Variants in TAB2 observed in about 807,000 individuals in gnomAD.
TAB2 encodes TGF-beta-activated kinase 1 and MAP3K7-binding protein 2.
In TAB2, 3 loss-of-function variants were observed where a neutral mutation model predicts 65.0. The observed-to-expected ratio is 0.05, with a 90% CI of 0.02 to 0.12. The LOEUF is 0.12. TAB2 is among the 10% of genes least tolerant of loss of function. The pLI, the probability that TAB2 is intolerant of heterozygous loss-of-function variation, is 1.00. For synonymous variants in TAB2, 298 were observed against 285.1 expected (o/e 1.05, Z -0.46); for missense variants, 623 against 840.3 (o/e 0.74, Z 3.20).
intron 6 of TAB2, among the ~76,000 whole-genome samples, chr6:149,408,839 A>G (rs1782750762): frequency 6.6e-6 from 1 of 152,158 alleles, no homozygotes; most frequent in South Asian, 2.1e-4. Context: ...AGTTCCAGTG[A>G]CCTTTATTTT....
At chr6:149,403,305 T>TACAC (rs1782535441) in intron 6 of TAB2, among the ~76,000 whole-genome samples, 2 of 68,000 alleles carry the variant, frequency 2.9e-5, no homozygotes, top group African/African-American at 1.2e-4. Flanking sequence ...CATATATATA[T>TACAC]ATATATATAC....
intron 1 of TAB2, among the ~76,000 whole-genome samples, chr6:149,353,197 C>G (rs1353186944): frequency 2.6e-5 from 4 of 152,132 alleles, no homozygotes; most frequent in Non-Finnish European, 5.9e-5. Context: ...GTTACCTCCC[C>G]AACTTTGGAC....
At chr6:149,406,637 G>A (rs537624523) in intron 6 of TAB2, among the ~76,000 whole-genome samples, 1 of 152,270 alleles carries the variant, frequency 6.6e-6, no homozygotes, top group South Asian at 2.1e-4. Context: ...CTGGTCTTTA[G>A]TTTGTTACAA....
chr6:149,241,093 A>G (rs1777589026), intron 1 of TAB2, among the ~76,000 whole-genome samples: 1 of 152,204 alleles, frequency 6.6e-6, no homozygotes, highest in South Asian at 2.1e-4. Flanking sequence ...AGGACACAGC[A>G]AGAAGGTTTC....
At chr6:149,248,428 A>AAGGAAGGAAGGAAGG (rs59251653) in intron 1 of TAB2, among the ~76,000 whole-genome samples, 2,069 of 117,276 alleles carry the variant, frequency 0.018, 62 homozygotes, top group East Asian at 0.05. Context: ...AAAAAGAAAG[A>AAGGAAGGAAGGAAGG]AAGGAAGGAA....
chr6:149,385,126 CTTTGTGTTTCTCA>C (rs1781746556), intron 3 of TAB2, among the ~76,000 whole-genome samples: 2 of 152,156 alleles, frequency 1.3e-5, no homozygotes, highest in Admixed American at 1.3e-4. Context: ...GCTTCTTGGA[CTTTGTGTTTCTCA>C]TTCCTTACCA....
intron 1 of TAB2, among the ~76,000 whole-genome samples, chr6:149,352,090 A>T (rs1270350072): frequency 2.6e-5 from 4 of 152,154 alleles, no homozygotes; most frequent in African/African-American, 9.7e-5. Context: ...TCAAGTTTAA[A>T]TTATGTAAAT....
intron 1 of TAB2, among the ~76,000 whole-genome samples, chr6:149,295,253 ATCTG>A (rs1230777174): frequency 6.6e-6 from 1 of 152,190 alleles, no homozygotes; most frequent in Admixed American, 6.5e-5. Flanking sequence ...TTTGAAGATA[ATCTG>A]TCTTTTTTTC....
At chr6:149,338,244 G>A (rs1779993398) in intron 1 of TAB2, among the ~76,000 whole-genome samples, 4 of 152,150 alleles carry the variant, frequency 2.6e-5, no homozygotes, top group African/African-American at 9.7e-5. Context: ...CCTTACATCG[G>A]TTCAACTCAG....
intron 1 of TAB2, among the ~76,000 whole-genome samples, chr6:149,260,787 A>G (rs917327690): frequency 4.6e-5 from 7 of 152,240 alleles, no homozygotes; most frequent in Non-Finnish European, 1.0e-4. Context: ...ACACAGGTGT[A>G]TATGTATGAA....
chr6:149,395,166 T>C (rs1782124252), intron 3 of TAB2, among the ~76,000 whole-genome samples: 1 of 152,278 alleles, frequency 6.6e-6, no homozygotes, highest in Admixed American at 6.5e-5. Flanking sequence ...CCAAAATGCC[T>C]ACAACAACAT....
intron 2 of TAB2, among the ~76,000 whole-genome samples, chr6:149,371,109 A>G (rs1413566982): frequency 6.6e-6 from 1 of 151,128 alleles, no homozygotes. Flanking sequence ...GGCTCAGTCA[A>G]GCATATTTAC....
chr6:149,330,072 G>GA (rs138303542), intron 1 of TAB2, among the ~76,000 whole-genome samples: 5,029 of 151,326 alleles, frequency 0.033, 282 homozygotes, highest in African/African-American at 0.12. Flanking sequence ...AATCGTACGT[G>GA]ATGTTACCTT....
intron 1 of TAB2, among the ~76,000 whole-genome samples, chr6:149,323,466 TAG>T (rs1210533303): frequency 6.6e-6 from 1 of 152,174 alleles, no homozygotes; most frequent in Non-Finnish European, 1.5e-5. Context: ...AATGAAAGTG[TAG>T]ATTTGTCCTG....
intron 1 of TAB2, among the ~76,000 whole-genome samples, chr6:149,239,545 G>T (rs1378652854): frequency 1.3e-5 from 2 of 152,220 alleles, no homozygotes; most frequent in Non-Finnish European, 2.9e-5. Flanking sequence ...GTTTTGACAT[G>T]GTGTTGGGAT....
intron 1 of TAB2, among the ~76,000 whole-genome samples, chr6:149,354,873 G>C (rs1280921076): frequency 3.9e-5 from 6 of 152,182 alleles, no homozygotes. Context: ...AGTAGTTTTT[G>C]GTTGTTTATC....
At chr6:149,246,259 G>A (rs995504336) in intron 1 of TAB2, 3 of 152,160 alleles carry the variant, frequency 2.0e-5, no homozygotes, top group Admixed American at 6.5e-5. Flanking sequence ...TACCTTCAAG[G>A]GAAATGGCTC....
intron 1 of TAB2, among the ~76,000 whole-genome samples, chr6:149,369,457 A>C (rs185984320): frequency 4.5e-4 from 69 of 152,320 alleles, no homozygotes; most frequent in African/African-American, 1.5e-3. Context: ...AGATAAAGCA[A>C]AATATTGAAT....
chr6:149,389,645 C>CA (rs370622661), intron 3 of TAB2, among the ~76,000 whole-genome samples: 5,130 of 86,710 alleles, frequency 0.059, 346 homozygotes, highest in African/African-American at 0.18. Flanking sequence ...AACTCTGTGT[C>CA]AAAAAAAAAA....
Sources: gnomAD v4.1 joint callset for allele counts (sites outside exome capture counted in the v4.1 genomes callset) on GRCh38, gnomAD v4.1.1 for gene constraint, MANE v1.5 for transcripts, NCBI Gene and HGNC (gene_info 2026-07-23, HGNC 2026-07-21) for gene names.